Variants in SLC5A1 observed in about 807,000 individuals in gnomAD.
SLC5A1 encodes the protein sodium/glucose cotransporter 1.
Under a neutral mutation model 73.5 loss-of-function variants are expected in SLC5A1, and 42 were observed. The ratio of observed to expected loss-of-function variants is 0.57; its 90% CI spans 0.45 to 0.74. The LOEUF (loss-of-function observed/expected upper bound fraction) is 0.74, where lower values mean the gene tolerates loss of function less well. Among genes scored for constraint, SLC5A1 ranks in the 30% least tolerant of loss-of-function variants. The probability of loss-of-function intolerance (pLI) is 0.00; values close to 1 mark genes in which losing one functional copy is unlikely to be tolerated. For missense variants in SLC5A1, 634 were observed against 855.4 expected (o/e 0.74, Z 3.23); for synonymous variants, 300 against 317.4 (o/e 0.95, Z 0.58).
At chr22:32,074,454 G>C (rs538124342) in intron 5 of SLC5A1, among the ~76,000 whole-genome samples, 1 of 152,184 alleles carries the variant, frequency 6.6e-6, no homozygotes, top group Admixed American at 6.5e-5. Flanking sequence ...CTCCCTCTCT[G>C]TGTGATTTTT....
intron 10 of SLC5A1, among the ~76,000 whole-genome samples, chr22:32,090,076 A>G (rs1308851196): frequency 6.7e-6 from 1 of 149,380 alleles, no homozygotes. Flanking sequence ...TTAGGATCAG[A>G]GTTAGAAATA....
intron 4 of SLC5A1, 74 bp from the exon 5 acceptor site, chr22:32,068,422 G>A (rs1190715529): frequency 4.4e-6 from 4 of 914,566 alleles, no homozygotes; most frequent in African/African-American, 1.6e-5. Flanking sequence ...ATATTAGGAT[G>A]GTGTCACTGT....
At chr22:32,047,227 G>C (rs2093938360) in intron 1 of SLC5A1, among the ~76,000 whole-genome samples, 1 of 152,074 alleles carries the variant, frequency 6.6e-6, no homozygotes, top group Non-Finnish European at 1.5e-5. Context: ...CATAGATGAG[G>C]AGATGAAAAT....
Position 32,043,271 on chromosome 22 carries a change from A to G in SLC5A1, c.-11A>G. The G allele has an allele frequency of 1.9e-6, 3 of 1,613,690 alleles. No homozygotes were observed. Among genetic ancestry groups the G allele is most frequent in the Non-Finnish European group, 2.5e-6 (3 of 1,180,006 alleles). On this transcript the variant is annotated 5_prime_UTR_variant, in exon 1 of 15. Coordinates refer to ENST00000266088, the MANE Select transcript of SLC5A1 (RefSeq NM_000343.4). This position sits in a 1 kb window ranked among gnomAD's most constrained non-coding sequence, Gnocchi z 6.5. Reference sequence around the variant, plus strand: ...GGCCCTGGCGAGAGGGAAGGACGCAACGCTGCCACCATGGACAGTAGCACC... The same window carrying G: ...GGCCCTGGCGAGAGGGAAGGACGCAGCGCTGCCACCATGGACAGTAGCACC...
Position 32,043,977 on chromosome 22 carries a change from G to A in SLC5A1, c.135+561G>A, listed in dbSNP as rs185221218. Among the ~76,000 whole-genome samples, 27 of 152,318 alleles carry A rather than the reference G, an allele frequency of 1.8e-4. No individual in the cohort carries two copies. Among genetic ancestry groups the A allele is most frequent in the Admixed American group, 1.7e-3 (26 of 15,304 alleles). ...GGATCCCAGGGGCTGGATCAAGTTA[G>A]AGATGAGAAAGATGGGTGGAAAAGG... On this transcript the variant is annotated intron_variant, in intron 1 of 14. Coordinates refer to ENST00000266088, the MANE Select transcript of SLC5A1 (RefSeq NM_000343.4). The surrounding 1 kb of genome is among the most constrained non-coding windows in gnomAD (Gnocchi z 6.5).
chr22:32,068,117 A>T, intron 4 of SLC5A1, 91 bp downstream of exon 4: 1 of 1,254,610 alleles, frequency 8.0e-7, no homozygotes, highest in Non-Finnish European at 1.2e-6. Context: ...TTATGGGATA[A>T]ATGGCAGAAA....
Position 32,084,586 on chromosome 22 carries a change from C to A in SLC5A1, c.812C>A (p.Thr271Lys). Residue 271 changes from threonine to lysine, a missense_variant, in exon 8 of 15, where the codon ACG becomes AAG. Thr to Lys is a moderately conservative substitution (Grantham distance 78). Coordinates refer to ENST00000266088, the MANE Select transcript of SLC5A1 (RefSeq NM_000343.4). ...TTCCACATCTTCCGAGATCCCCTCACGGGAGACCTCCCATGGCCTGGGTTC... is the reference window on the plus strand; with the variant it reads ...TTCCACATCTTCCGAGATCCCCTCAAGGGAGACCTCCCATGGCCTGGGTTC... ...DSFHIFRDPLTGDLPWPGFIF... is the reference protein window; with the variant it reads ...DSFHIFRDPLKGDLPWPGFIF... 1 of 1,614,236 alleles carries A rather than the reference C, an allele frequency of 6.2e-7. No individual in the cohort carries two copies. Among genetic ancestry groups the A allele is most frequent in the Non-Finnish European group, 8.5e-7 (1 of 1,180,036 alleles).
At chr22:32,052,066 A>C (rs1384912062) in intron 2 of SLC5A1, among the ~76,000 whole-genome samples, 1 of 152,208 alleles carries the variant, frequency 6.6e-6, no homozygotes, top group Non-Finnish European at 1.5e-5. Flanking sequence ...TCAATGATCT[A>C]GTGAGGTAAG....
At chr22:32,047,781 C>T (rs1173469467) in intron 1 of SLC5A1, among the ~76,000 whole-genome samples, 1 of 152,134 alleles carries the variant, frequency 6.6e-6, no homozygotes, top group Non-Finnish European at 1.5e-5. Context: ...TGTCTAAGTG[C>T]CTGAGATGTC....
chr22:32,076,955 G>GT (rs2093991900), intron 5 of SLC5A1, among the ~76,000 whole-genome samples: 1 of 152,170 alleles, frequency 6.6e-6, no homozygotes, highest in Admixed American at 6.5e-5. Flanking sequence ...ATCTATTTTT[G>GT]TAAGTAAAGT....
chr22:32,094,023 A>G (rs1277408032), intron 11 of SLC5A1, among the ~76,000 whole-genome samples: 1 of 151,818 alleles, frequency 6.6e-6, no homozygotes, highest in Non-Finnish European at 1.5e-5. Context: ...CTTTTATGCC[A>G]ATTTTGCTGA....
intron 5 of SLC5A1, among the ~76,000 whole-genome samples, chr22:32,076,670 G>A (rs977796353): frequency 5.9e-5 from 9 of 152,222 alleles, no homozygotes; most frequent in African/African-American, 2.2e-4. Flanking sequence ...TTCACCATCT[G>A]AAACTGCGAG....
intron 5 of SLC5A1, among the ~76,000 whole-genome samples, chr22:32,072,383 AG>A (rs1329336098): frequency 3.9e-5 from 6 of 152,168 alleles, no homozygotes; most frequent in Admixed American, 3.9e-4. Context: ...GGTGCTGCAA[AG>A]GATGTAATCT....
chr22:32,050,304 C>T (rs1055722894), intron 2 of SLC5A1, among the ~76,000 whole-genome samples: 1 of 152,168 alleles, frequency 6.6e-6, no homozygotes, highest in South Asian at 2.1e-4. Context: ...TTCTCAAATG[C>T]GCTGGCCCAA....
rs2094054458 is a variant in SLC5A1, at chr22:32,110,410, A to G, written c.*197A>G. ...TTTATGCATTTGAAGCCAGTGTGAT[A>G]CAGCCATCTGTACCTACTGGAGCTG... is the stretch of plus-strand genomic sequence containing the variant. On this transcript the variant is annotated 3_prime_UTR_variant, in exon 15 of 15. Transcript: ENST00000266088. 1.6e-6 allele frequency: 1 copy of G among 636,564 alleles called. No homozygotes were observed. Among genetic ancestry groups the G allele is most frequent in the Non-Finnish European group, 2.9e-6 (1 of 349,314 alleles). 39.4% of individuals were successfully genotyped at this position (636,564 alleles called of 1,614,324 possible).
At chr22:32,109,935 C>T in intron 14 of SLC5A1, 55 bp from the exon 15 acceptor site, 3 of 1,485,936 alleles carry the variant, frequency 2.0e-6, no homozygotes, top group Non-Finnish European at 2.8e-6. Context: ...CCCCTGAAAA[C>T]TTTTCTAGTC....
Position 32,083,155 on chromosome 22 carries a change from G to A in SLC5A1, c.664+1G>A. On this transcript the variant is annotated splice_donor_variant, in intron 7 of 14. Transcript: ENST00000266088. LOFTEE classifies it high-confidence loss of function. ...GGGTCTTTAATCCTGACTGGGTTTG[G>A]TAAGTGGGGCCAGGGCAGGCTGAGG... The A allele has an allele frequency of 6.2e-7, 1 of 1,613,926 alleles. No homozygotes were observed. Among genetic ancestry groups the A allele is most frequent in the Non-Finnish European group, 8.5e-7 (1 of 1,179,798 alleles).
chr22:32,069,933 C>G (rs1318312893), intron 5 of SLC5A1, among the ~76,000 whole-genome samples: 1 of 152,160 alleles, frequency 6.6e-6, no homozygotes, highest in East Asian at 1.9e-4. Context: ...ATTCTCAATT[C>G]ACTGTCCTTT....
rs1375530578 is a variant in SLC5A1 at position 32,043,944 on chromosome 22, G to A, written c.135+528G>A. On this transcript the variant is annotated intron_variant, in intron 1 of 14. Transcript: ENST00000266088. The surrounding 1 kb of genome is among the most constrained non-coding windows in gnomAD (Gnocchi z 6.5). ...TGGGAGAGGCTAACCCAGAGGCCTT[G>A]TGCATGAGGATCCCAGGGGCTGGAT... 6.6e-6 allele frequency among the ~76,000 whole-genome samples: 1 copy of A among 152,194 alleles called. No individual in the cohort carries two copies. Among genetic ancestry groups the A allele is most frequent in the Non-Finnish European group, 1.5e-5 (1 of 68,038 alleles).
Sources: allele counts gnomAD v4.1 joint callset (sites outside exome capture counted in the v4.1 genomes callset), GRCh38; gene constraint gnomAD v4.1.1; non-coding constraint Gnocchi (gnomAD v3.1); transcripts MANE v1.5; gene names NCBI Gene and HGNC (gene_info 2026-07-23, HGNC 2026-07-21).